The following UBE2E2 variants were observed in gnomAD, a reference collection of about 807,000 sequenced individuals.
UBE2E2 encodes the protein ubiquitin conjugating enzyme E2 E2, also known as ubiquitin-conjugating enzyme E2 E2.
Under a neutral mutation model 24.7 loss-of-function variants are expected in UBE2E2, and 6 were observed. The observed-to-expected ratio is 0.24, with a 90% CI of 0.13 to 0.48. The LOEUF (loss-of-function observed/expected upper bound fraction) is 0.48, where lower values mean the gene tolerates loss of function less well. Among genes scored for constraint, UBE2E2 ranks in the 20% least tolerant of loss-of-function variants. UBE2E2 has a pLI of 0.99. For missense variants in UBE2E2, 169 were observed against 245.0 expected, an observed-to-expected ratio of 0.69 and a Z score of 2.07; for synonymous variants, 104 against 83.6, an observed-to-expected ratio of 1.24 and a Z score of -1.33.
At chr3:23,213,884 A>G (rs1488061478) in intron 2 of UBE2E2, among the ~76,000 whole-genome samples, 1 of 152,126 alleles carries the variant, frequency 6.6e-6, no homozygotes, top group Non-Finnish European at 1.5e-5. Flanking sequence ...TGAATTATTG[A>G]TACTTTTCAT....
intron 3 of UBE2E2, among the ~76,000 whole-genome samples, chr3:23,353,237 C>A (rs201998991): frequency 0.13 from 19,293 of 151,674 alleles, 1,311 homozygotes; most frequent in Middle Eastern, 0.2. Flanking sequence ...GACGTATCTC[C>A]AAATAATAAG....
intron 3 of UBE2E2, among the ~76,000 whole-genome samples, chr3:23,299,958 CTGGGTGCTCCTGTAT>C (rs1054082852): frequency 3.9e-5 from 6 of 152,084 alleles, no homozygotes; most frequent in Admixed American, 3.3e-4. Context: ...CTTTATGAAT[CTGGGTGCTCCTGTAT>C]TGGGTGCATA....
chr3:23,481,010 T>C lies in UBE2E2; in HGVS notation c.228-18598T>C, dbSNP rs908835069. Among the ~76,000 whole-genome samples, 4 of 152,018 alleles carry C rather than the reference T, an allele frequency of 2.6e-5. No individual in the cohort carries two copies. In the East Asian group the frequency reaches 5.8e-4, roughly 22 times the overall value. ...TTTGGATAAATAGGGTATTCTTTGA[T>C]TCAAAATTATTAGATACAACATTTT... On this transcript the variant is annotated intron_variant, in intron 3 of 5. Coordinates refer to ENST00000396703, the MANE Select transcript of UBE2E2 (RefSeq NM_152653.4).
At chr3:23,253,652 C>T (rs970245054) in intron 3 of UBE2E2, among the ~76,000 whole-genome samples, 1 of 152,108 alleles carries the variant, frequency 6.6e-6, no homozygotes, top group Non-Finnish European at 1.5e-5. Context: ...AAAATATGGA[C>T]TGTTACCTGT....
At chr3:23,561,344 C>G (rs1011824293) in intron 5 of UBE2E2, among the ~76,000 whole-genome samples, 35 of 152,280 alleles carry the variant, frequency 2.3e-4, no homozygotes, top group African/African-American at 7.5e-4. Flanking sequence ...TTCCCCATTT[C>G]TTGTTTTTGT....
chr3:23,332,678 T>G (rs1248039754), intron 3 of UBE2E2, among the ~76,000 whole-genome samples: 102 of 35,050 alleles, frequency 2.9e-3, no homozygotes, highest in African/African-American at 8.7e-3. Context: ...CAGTGGGGTG[T>G]GTGTGTGTGT....
chr3:23,212,364 C>G (rs1196025432), intron 2 of UBE2E2, among the ~76,000 whole-genome samples: 1 of 152,094 alleles, frequency 6.6e-6, no homozygotes, highest in Non-Finnish European at 1.5e-5. Flanking sequence ...GTTATATTTG[C>G]AAGTCTGTTG....
At chr3:23,398,374 A>G (rs983568376) in intron 3 of UBE2E2, among the ~76,000 whole-genome samples, 1 of 151,494 alleles carries the variant, frequency 6.6e-6, no homozygotes, top group Non-Finnish European at 1.5e-5. Flanking sequence ...GATTTTTCCA[A>G]AGTAATCACT....
chr3:23,443,927 G>T (rs1221233189), intron 3 of UBE2E2, among the ~76,000 whole-genome samples: 1 of 152,156 alleles, frequency 6.6e-6, no homozygotes, highest in Middle Eastern at 3.2e-3. Context: ...TCAAGGTGGA[G>T]CCCTGCCACA....
In UBE2E2 at chr3:23,569,912, C is replaced by T. The variant is rs62256979; in HGVS notation, c.509-19822C>T. Among the ~76,000 whole-genome samples the T allele has an allele frequency of 7.1e-3, 1,084 of 152,144 alleles. 10 individuals are homozygous for T. Among genetic ancestry groups the T allele is most frequent in the Non-Finnish European group, 9.9e-3 (670 of 67,998 alleles). On this transcript the variant is annotated intron_variant, in intron 5 of 5. Transcript: ENST00000396703. The stretch of plus-strand genomic sequence containing the variant: ...TTATGAGCACTATTGACTCAAGGGG[C>T]GTTAATTTTGAATGGTTTTAATTTT...
At chr3:23,277,872 C>T (rs1019405104) in intron 3 of UBE2E2, among the ~76,000 whole-genome samples, 1 of 152,058 alleles carries the variant, frequency 6.6e-6, no homozygotes, top group African/African-American at 2.4e-5. Flanking sequence ...GCTTTGAGGA[C>T]TGATTTCTAG....
Position 23,354,050 on chromosome 3 carries a change from C to T in UBE2E2, c.227+136738C>T, listed in dbSNP as rs1195912678. On this transcript the variant is annotated intron_variant, in intron 3 of 5. Coordinates refer to ENST00000396703, the MANE Select transcript of UBE2E2 (RefSeq NM_152653.4). ...GTACCAAAACAGAGATATAGATCAG[C>T]GGAACAGAACAGAGCCCTCAGAAAT... 7.5e-4 allele frequency among the ~76,000 whole-genome samples: 114 copies of T among 152,068 alleles called. 3 individuals are homozygous for T. In the East Asian group the frequency reaches 0.015, roughly 20 times the overall value.
intron 3 of UBE2E2, among the ~76,000 whole-genome samples, chr3:23,415,427 T>A (rs867496187): frequency 6.6e-6 from 1 of 152,192 alleles, no homozygotes; most frequent in Admixed American, 6.5e-5. Context: ...GAGACCAACA[T>A]CCTTTGCTAC....
intron 4 of UBE2E2, among the ~76,000 whole-genome samples, chr3:23,530,249 A>C (rs1393908883): frequency 6.6e-6 from 1 of 151,812 alleles, no homozygotes; most frequent in Admixed American, 6.6e-5. Context: ...GTCTTCATTC[A>C]CTCCCTTGAT....
intron 3 of UBE2E2, among the ~76,000 whole-genome samples, chr3:23,484,650 A>G (rs1206170252): frequency 2.6e-5 from 4 of 152,154 alleles, no homozygotes; most frequent in African/African-American, 9.7e-5. Context: ...AGAAATACCC[A>G]AGACTGGGTA....
Position 23,264,637 on chromosome 3 carries a change from A to G in UBE2E2, c.227+47325A>G, listed in dbSNP as rs187948053. Among the ~76,000 whole-genome samples the G allele has an allele frequency of 7.2e-4, 110 of 152,336 alleles. 2 individuals are homozygous for G. The highest frequency in any genetic ancestry group is 2.6e-3 in the African/African-American group (107 of 41,574). On this transcript the variant is annotated intron_variant, in intron 3 of 5. Coordinates refer to ENST00000396703, the MANE Select transcript of UBE2E2 (RefSeq NM_152653.4). ...GAGATCATGATGATGTGGCCCAAGT[A>G]TGCATGGTTTGGTATGATTCATACA...
intron 2 of UBE2E2, among the ~76,000 whole-genome samples, chr3:23,214,875 G>T (rs1412384831): frequency 2.0e-5 from 3 of 151,692 alleles, no homozygotes; most frequent in Non-Finnish European, 4.4e-5. Flanking sequence ...CTGTTTAGCT[G>T]TCTTTAGTCT....
At chr3:23,513,146 T>C (rs1299454907) in intron 4 of UBE2E2, among the ~76,000 whole-genome samples, 1 of 152,200 alleles carries the variant, frequency 6.6e-6, no homozygotes, top group African/African-American at 2.4e-5. Context: ...ATTTTCTTCA[T>C]TTCTTTTTTC....
At chr3:23,358,226 G>T (rs1208086736) in intron 3 of UBE2E2, among the ~76,000 whole-genome samples, 5 of 152,108 alleles carry the variant, frequency 3.3e-5, no homozygotes, top group African/African-American at 9.7e-5. Flanking sequence ...TTCTGTCAGG[G>T]TTTTGAATTA....
Sources: gnomAD v4.1 joint callset for allele counts (sites outside exome capture counted in the v4.1 genomes callset) on GRCh38, gnomAD v4.1.1 for gene constraint, MANE v1.5 for transcripts, NCBI Gene and HGNC (gene_info 2026-07-23, HGNC 2026-07-21) for gene names.